Variants in SUPT20HL2 observed in about 807,000 individuals in gnomAD.
SUPT20HL2 encodes the protein transcription factor SPT20 homolog-like 2.
For missense variants in SUPT20HL2, 288 were observed against 127.4 expected (o/e 2.26, Z -6.07); for synonymous variants, 125 against 51.6 (o/e 2.42, Z -6.10).
rs370987668 is a variant in SUPT20HL2 at position 24,311,617 on chromosome X, G to A, written c.1699C>T (p.Arg567Trp). ...FVKIAPAIQV[R>W]TGSTGLKATN... The stretch of plus-strand genomic sequence containing the variant: ...GCCTTTAGGCCAGTGGAGCCTGTCC[G>A]GACCTGAATGGCTGGGGCTATTTTT... Residue 567 changes from arginine to tryptophan, a missense_variant, in exon 1 of 1, where the codon CGG becomes TGG. Arg to Trp is a moderately radical substitution (Grantham distance 101). Coordinates refer to ENST00000486479, the MANE Select transcript of SUPT20HL2 (RefSeq NM_001136233.3). The A allele has an allele frequency of 1.0e-5, 4 of 385,328 alleles. No individual in the cohort carries two copies. Among genetic ancestry groups the A allele is most frequent in the African/African-American group, 2.5e-5 (1 of 39,919 alleles). 31.8% of individuals were successfully genotyped at this position (385,328 alleles called of 1,213,427 possible).
chrX:24,310,524 A>C lies in SUPT20HL2; in HGVS notation c.*338T>G, dbSNP rs934521687. Among the ~76,000 whole-genome samples the C allele has an allele frequency of 8.9e-6, 1 of 112,746 alleles. No homozygotes were observed. The highest frequency in any genetic ancestry group is 3.2e-5 in the African/African-American group (1 of 31,038). ...AAAATCTTGTTAAAATATTAACTTA[A>C]CATTGTTGGTACTGCCATTTTATGG... On this transcript the variant is annotated 3_prime_UTR_variant, in exon 1 of 1. Coordinates refer to ENST00000486479, the MANE Select transcript of SUPT20HL2 (RefSeq NM_001136233.3).
chrX:24,311,231 A>C lies in SUPT20HL2; in HGVS notation c.2085T>G (p.Gly695=). The C allele has an allele frequency of 2.6e-6, 1 of 386,749 alleles. No individual in the cohort carries two copies. The highest frequency in any genetic ancestry group is 2.3e-5 in the South Asian group (1 of 42,775). The allele number at this position is 386,749 out of a possible 1,213,427, so 31.9% of individuals were successfully genotyped here. Residue 695 remains glycine, a synonymous_variant, in exon 1 of 1, where the codon GGT becomes GGG. Transcript: ENST00000486479. The part of the protein sequence containing the change: ...PQPGPQGSTL[G]LSTQGQAFPA... ...GGAAGGCCTGCCCTTGCGTGCTCAA[A>C]CCTAGTGTGGAACCCTGTGGCCCTG...
At position 24,309,747 on chromosome X, in the gene SUPT20HL2, A is replaced by AAAAAAAAAAAAAAG. The variant is rs1939103037; in HGVS notation, c.*1114_*1115insCTTTTTTTTTTTTT. ...AAATAATAAAAATAAAAAAAAAAAG[A>AAAAAAAAAAAAAAG]AAAAAAAAAAAAAAAAAAAAAACAT... On this transcript the variant is annotated 3_prime_UTR_variant, in exon 1 of 1. Transcript: ENST00000486479. Among the ~76,000 whole-genome samples the AAAAAAAAAAAAAAG allele has an allele frequency of 3.7e-4, 1 of 2,702 alleles. No individual in the cohort carries two copies. The highest frequency in any genetic ancestry group is 7.4e-4 in the Non-Finnish European group (1 of 1,347). The allele number at this position is 2,702 out of a possible 115,157, so 2.3% of individuals were successfully genotyped here. A position where few individuals can be genotyped will look rare whatever the true frequency, so the allele number is the denominator to read the frequency against.
chrX:24,311,054 C>T lies in SUPT20HL2; in HGVS notation c.2262G>A (p.Pro754=), dbSNP rs374184071. The part of the protein sequence containing the change: ...LPFVLGQQPQ[P]LLLLQPQPQP... ...GTGGTTGTGGCTGCAGCAGCAGCAG[C>T]GGCTGTGGCTGCTGCCCCAAGACAA... Residue 754 remains proline, a synonymous_variant, in exon 1 of 1, where the codon CCG becomes CCA. Transcript: ENST00000486479. 3 of 374,631 alleles carry T rather than the reference C, an allele frequency of 8.0e-6. No individual in the cohort carries two copies. Among genetic ancestry groups the T allele is most frequent in the Admixed American group, 5.3e-5 (2 of 37,567 alleles). The allele number at this position is 374,631 out of a possible 1,213,427, so 30.9% of individuals were successfully genotyped here.
rs1253557379 is a variant in SUPT20HL2 at position 24,309,767 on chromosome X, A to C, written c.*1095T>G. ...AAAAGAAAAAAAAAAAAAAAAAAAA[A>C]AACATCCAAAAAGAGCCTTTTCAAA... On this transcript the variant is annotated 3_prime_UTR_variant, in exon 1 of 1. Coordinates refer to ENST00000486479, the MANE Select transcript of SUPT20HL2 (RefSeq NM_001136233.3). 2.1e-5 allele frequency among the ~76,000 whole-genome samples: 2 copies of C among 94,422 alleles called. No homozygotes were observed. Among genetic ancestry groups the C allele is most frequent in the African/African-American group, 3.9e-5 (1 of 25,607 alleles). The allele number at this position is 94,422 out of a possible 115,157, so 82.0% of individuals were successfully genotyped here.
rs1939110033 is a variant in SUPT20HL2 at position 24,310,177 on chromosome X, G to A, written c.*685C>T. Among the ~76,000 whole-genome samples the A allele has an allele frequency of 9.0e-6, 1 of 111,474 alleles. No individual in the cohort carries two copies. The highest frequency in any genetic ancestry group is 2.8e-4 in the East Asian group (1 of 3,585). ...AAATCATGAGGACATTATGCCAAGT[G>A]AGATAAGCCACTCACCAAGTGACAA... On this transcript the variant is annotated 3_prime_UTR_variant, in exon 1 of 1. Coordinates refer to ENST00000486479, the MANE Select transcript of SUPT20HL2 (RefSeq NM_001136233.3).
rs1311976635 is a variant in SUPT20HL2, at chrX:24,309,667, T to TA, written c.*1194dup. Among the ~76,000 whole-genome samples the TA allele has an allele frequency of 1.7e-5, 1 of 60,522 alleles. No individual in the cohort carries two copies. The highest frequency in any genetic ancestry group is 3.1e-5 in the Non-Finnish European group (1 of 32,289). 52.6% of individuals were successfully genotyped at this position (60,522 alleles called of 115,157 possible). ...CAATGTGCACATGTACCCTAAAACT[T>TA]AGAGTATAATAAAAAAAAAAAAATT... On this transcript the variant is annotated 3_prime_UTR_variant, in exon 1 of 1. Transcript: ENST00000486479.
Position 24,312,615 on chromosome X carries a change from G to A in SUPT20HL2, c.701C>T (p.Pro234Leu), listed in dbSNP as rs745882483. The A allele has an allele frequency of 1.3e-5, 5 of 386,964 alleles. No homozygotes were observed. Among genetic ancestry groups the A allele is most frequent in the Admixed American group, 5.1e-5 (2 of 39,521 alleles). 31.9% of individuals were successfully genotyped at this position (386,964 alleles called of 1,213,427 possible). A position where few individuals can be genotyped will look rare whatever the true frequency, so the allele number is the denominator to read the frequency against. The part of the protein sequence containing the change: ...LYNKQKMNTD[P>L]MEQCLQRYSW... ...ATACCTCTGGAGGCACTGTTCCATC[G>A]GGTCGGTATTCATCTTTTGCTTGTT... The change falls in exon 1 of 1, where the codon CCG becomes CTG. Residue 234 changes from proline (P) to leucine (L), a missense_variant. By Grantham distance (98) the Pro-to-Leu change is moderately conservative. Transcript: ENST00000486479.
Position 24,308,297 on chromosome X carries a change from T to C in SUPT20HL2, c.*2565A>G, listed in dbSNP as rs1328177211. The C allele has an allele frequency of 2.7e-6, 1 of 375,327 alleles. No individual in the cohort carries two copies. Among genetic ancestry groups the C allele is most frequent in the Admixed American group, 2.5e-5 (1 of 39,604 alleles). The allele number at this position is 375,327 out of a possible 1,213,427, so 30.9% of individuals were successfully genotyped here. A position where few individuals can be genotyped will look rare whatever the true frequency, so the allele number is the denominator to read the frequency against. Reference sequence around the variant, plus strand: ...AGCACAAATTTGGCTGTTGTCTCCATGTCCTACTTGAAAGAAGCAGCAGGC... The same window carrying C: ...AGCACAAATTTGGCTGTTGTCTCCACGTCCTACTTGAAAGAAGCAGCAGGC... On this transcript the variant is annotated 3_prime_UTR_variant, in exon 1 of 1. Transcript: ENST00000486479.
rs778938012 is a variant in SUPT20HL2, at chrX:24,308,223, C to A, written c.*2639G>T. 2.7e-6 allele frequency: 1 copy of A among 372,016 alleles called. No homozygotes were observed. Among genetic ancestry groups the A allele is most frequent in the Non-Finnish European group, 5.2e-6 (1 of 191,661 alleles). The allele number at this position is 372,016 out of a possible 1,213,427, so 30.7% of individuals were successfully genotyped here. ...AAGACCACCAAATGATAATCAGAAA[C>A]AAAACTAAATTTATTTGCCTGCCTG... On this transcript the variant is annotated 3_prime_UTR_variant, in exon 1 of 1. Transcript: ENST00000486479.
At position 24,312,707 on chromosome X, in the gene SUPT20HL2, C is replaced by T. The variant is rs370938718; in HGVS notation, c.609G>A (p.Ala203=). 2.3e-5 allele frequency: 9 copies of T among 385,027 alleles called. No homozygotes were observed. Among genetic ancestry groups the T allele is most frequent in the South Asian group, 1.6e-4 (7 of 42,673 alleles). 31.7% of individuals were successfully genotyped at this position (385,027 alleles called of 1,213,427 possible). A position where few individuals can be genotyped will look rare whatever the true frequency, so the allele number is the denominator to read the frequency against. ...GATCAAGACACAGTGGTTCAGCTGT[C>T]GCTAAGATCAGTTGACTCTCAAGAG... ...KFPLESQLIL[A]TAEPLCLDPS... The change falls in exon 1 of 1, where the codon GCG becomes GCA. Residue 203 remains alanine, a synonymous_variant. Coordinates refer to ENST00000486479, the MANE Select transcript of SUPT20HL2 (RefSeq NM_001136233.3).
Position 24,309,717 on chromosome X carries a change from G to GAAAAAAAAAAAAAAAA in SUPT20HL2, c.*1144_*1145insTTTTTTTTTTTTTTTT, listed in dbSNP as rs1939097074. 1.4e-4 allele frequency among the ~76,000 whole-genome samples: 2 copies of GAAAAAAAAAAAAAAAA among 13,832 alleles called. No individual in the cohort carries two copies. The highest frequency in any genetic ancestry group is 4.5e-4 in the African/African-American group (1 of 2,209). 12.0% of individuals were successfully genotyped at this position (13,832 alleles called of 115,157 possible). A position where few individuals can be genotyped will look rare whatever the true frequency, so the allele number is the denominator to read the frequency against. On this transcript the variant is annotated 3_prime_UTR_variant, in exon 1 of 1. Coordinates refer to ENST00000486479, the MANE Select transcript of SUPT20HL2 (RefSeq NM_001136233.3). ...TAAAAAAAAAAATTAAAAAAAAAAA[G>GAAAAAAAAAAAAAAAA]AAAAAAATAATAAAAATAAAAAAAA...
chrX:24,313,523 G>A lies in SUPT20HL2; in HGVS notation c.-208C>T, dbSNP rs1425468835. Reference sequence around the variant, plus strand: ...GTTTCTGAAAACATGGGTACCTGAGGGGTCGTCGTCGTGGCCGGGCTTCAC... The same window carrying A: ...GTTTCTGAAAACATGGGTACCTGAGAGGTCGTCGTCGTGGCCGGGCTTCAC... On this transcript the variant is annotated 5_prime_UTR_variant, in exon 1 of 1. Coordinates refer to ENST00000486479, the MANE Select transcript of SUPT20HL2 (RefSeq NM_001136233.3). 9.1e-6 allele frequency among the ~76,000 whole-genome samples: 1 copy of A among 110,250 alleles called. No individual in the cohort carries two copies. The highest frequency in any genetic ancestry group is 3.3e-5 in the African/African-American group (1 of 30,237).
rs953826537 is a variant in SUPT20HL2, at chrX:24,311,355, G to T, written c.1961C>A (p.Pro654Gln). The part of the protein sequence containing the change: ...EGLRPLTLQV[P>Q]QGWAVLTGPQ... The stretch of plus-strand genomic sequence containing the variant: ...GCCGGTCAGAACCGCCCAGCCCTGC[G>T]GAACCTGGAGTGTCAGAGGCCTGAG... Residue 654 changes from proline (P) to glutamine (Q), a missense_variant, in exon 1 of 1, where the codon CCG becomes CAG. Transcript: ENST00000486479. The T allele has an allele frequency of 2.6e-6, 1 of 387,484 alleles. No homozygotes were observed. The highest frequency in any genetic ancestry group is 7.5e-5 in the East Asian group (1 of 13,404). The allele number at this position is 387,484 out of a possible 1,213,427, so 31.9% of individuals were successfully genotyped here. A position where few individuals can be genotyped will look rare whatever the true frequency, so the allele number is the denominator to read the frequency against.
rs1939099032 is a variant in SUPT20HL2, at chrX:24,309,728, TAAAAATAAAAAAAAAAAGAAAAAAA to T, written c.*1109_*1133del. On this transcript the variant is annotated 3_prime_UTR_variant, in exon 1 of 1. Transcript: ENST00000486479. ...ATTAAAAAAAAAAAGAAAAAAATAA[TAAAAATAAAAAAAAAAAGAAAAAAA>T]AAAAAAAAAAAAAAAACATCCAAAA... 1.6e-4 allele frequency among the ~76,000 whole-genome samples: 2 copies of T among 12,776 alleles called. No individual in the cohort carries two copies. 11.1% of individuals were successfully genotyped at this position (12,776 alleles called of 115,157 possible). A position where few individuals can be genotyped will look rare whatever the true frequency, so the allele number is the denominator to read the frequency against.
At position 24,309,638 on chromosome X, in the gene SUPT20HL2, T is replaced by C. The variant is rs1321290957; in HGVS notation, c.*1224A>G. Among the ~76,000 whole-genome samples, 1 of 84,815 alleles carries C rather than the reference T, an allele frequency of 1.2e-5. No individual in the cohort carries two copies. Among genetic ancestry groups the C allele is most frequent in the Non-Finnish European group, 2.2e-5 (1 of 45,050 alleles). 73.7% of individuals were successfully genotyped at this position (84,815 alleles called of 115,157 possible). A position where few individuals can be genotyped will look rare whatever the true frequency, so the allele number is the denominator to read the frequency against. On this transcript the variant is annotated 3_prime_UTR_variant, in exon 1 of 1. Transcript: ENST00000486479. ...CACATGTATACATATGTAACTAACC[T>C]GCACAATGTGCACATGTACCCTAAA...
chrX:24,314,062 C>G lies in SUPT20HL2; in HGVS notation c.-747G>C, dbSNP rs765497657. The G allele has an allele frequency of 1.1e-5, 4 of 363,230 alleles. No homozygotes were observed. The highest frequency in any genetic ancestry group is 1.6e-5 in the Non-Finnish European group (3 of 186,250). The allele number at this position is 363,230 out of a possible 1,213,427, so 29.9% of individuals were successfully genotyped here. On this transcript the variant is annotated 5_prime_UTR_variant, in exon 1 of 1. Coordinates refer to ENST00000486479, the MANE Select transcript of SUPT20HL2 (RefSeq NM_001136233.3). ...GGGCTTCGCGTCTCTGAGTGCTGCA[C>G]CGGAAATGAACGGGAGGGCCGGGGT...
chrX:24,310,263 T>C lies in SUPT20HL2; in HGVS notation c.*599A>G, dbSNP rs1939110744. Among the ~76,000 whole-genome samples, 1 of 111,332 alleles carries C rather than the reference T, an allele frequency of 9.0e-6. No homozygotes were observed. The highest frequency in any genetic ancestry group is 3.8e-4 in the South Asian group (1 of 2,624). On this transcript the variant is annotated 3_prime_UTR_variant, in exon 1 of 1. Coordinates refer to ENST00000486479, the MANE Select transcript of SUPT20HL2 (RefSeq NM_001136233.3). ...GTAGTCAACTCATAGAGAAAGAAAG[T>C]AGAACAATGGCTGCCAGGGACTGGA...
In SUPT20HL2 at chrX:24,313,936, G is replaced by A. The variant is rs374046474; in HGVS notation, c.-621C>T. ...AGGGCCGGGGTCAGCTTCTAGGCGC[G>A]TCTGGGCACCTGCCCAGAAACCTGC... On this transcript the variant is annotated 5_prime_UTR_variant, in exon 1 of 1. In the 5' UTR this introduces an upstream ATG that the reference lacks. Coordinates refer to ENST00000486479, the MANE Select transcript of SUPT20HL2 (RefSeq NM_001136233.3). The A allele has an allele frequency of 5.5e-6, 2 of 360,916 alleles. No homozygotes were observed. The highest frequency in any genetic ancestry group is 1.1e-5 in the Non-Finnish European group (2 of 187,638). The allele number at this position is 360,916 out of a possible 1,213,427, so 29.7% of individuals were successfully genotyped here.
Sources: allele counts gnomAD v4.1 joint callset (sites outside exome capture counted in the v4.1 genomes callset), GRCh38; gene constraint gnomAD v4.1.1; transcripts MANE v1.5; gene names NCBI Gene and HGNC (gene_info 2026-07-23, HGNC 2026-07-21).